Variants in SIX5 observed in about 807,000 individuals in gnomAD.
SIX5 encodes the protein SIX homeobox 5.
In SIX5, 21 loss-of-function variants were observed where a neutral mutation model predicts 37.1. The ratio of observed to expected loss-of-function variants is 0.57; its 90% CI spans 0.40 to 0.81. The LOEUF (loss-of-function observed/expected upper bound fraction) is 0.81. Among genes scored for constraint, SIX5 ranks in the 40% least tolerant of loss-of-function variants. The pLI is 0.00. For synonymous variants in SIX5, 626 were observed against 505.9 expected (o/e 1.24, Z -3.19); for missense variants, 1,137 against 1,025.1 (o/e 1.11, Z -1.49).
rs998110701 is a variant in SIX5 at position 45,766,521 on chromosome 19, G to A, written c.1438C>T (p.Pro480Ser). ...SPLLNLPQVVPTSQVVTLPQA... is the reference protein window; with the variant it reads ...SPLLNLPQVVSTSQVVTLPQA... The stretch of plus-strand genomic sequence containing the variant: ...GGCAGGGTCACCACCTGTGAGGTGG[G>A]TACTACCTGGGGCAGGTTCAATAGT... Residue 480 changes from proline to serine, a missense_variant, in exon 2 of 3, where the codon CCC becomes TCC. This residue lies in a region of SIX5 where 787 missense variants were observed against 621.4 expected (regional missense o/e 1.27). Transcript: ENST00000317578. 1.3e-6 allele frequency: 2 copies of A among 1,501,658 alleles called. No individual in the cohort carries two copies. The highest frequency in any genetic ancestry group is 1.8e-6 in the Non-Finnish European group (2 of 1,118,416). The allele number at this position is 1,501,658 out of a possible 1,614,324, so 93.0% of individuals were successfully genotyped here.
In SIX5 at chr19:45,768,815, C is replaced by A. The variant is rs1191855066; in HGVS notation, c.30G>T (p.Ala10=). MATLPAEPS[A]GPAAGGEAVA... is the part of the protein sequence containing the mutation. ...CCGCCTCCCCCCCAGCCGCCGGCCC[C>A]GCGCTCGGCTCCGCAGGCAAGGTAG... Residue 10 remains alanine (A), a synonymous_variant, in exon 1 of 3, where the codon GCG becomes GCT. Transcript: ENST00000317578. 3 of 1,529,280 alleles carry A rather than the reference C, an allele frequency of 2.0e-6. No homozygotes were observed. The highest frequency in any genetic ancestry group is 1.2e-5 in the South Asian group (1 of 83,256). 94.7% of individuals were successfully genotyped at this position (1,529,280 alleles called of 1,614,324 possible). A position where few individuals can be genotyped will look rare whatever the true frequency, so the allele number is the denominator to read the frequency against.
Position 45,767,022 on chromosome 19 carries a change from C to G in SIX5, c.937G>C (p.Ala313Pro). Residue 313 changes from alanine (A) to proline (P), a missense_variant, in exon 2 of 3, where the codon GCG becomes CCG. By Grantham distance (27) the Ala-to-Pro change is conservative. Transcript: ENST00000317578. ...SIFLAGTGPP[A>P]PCPASSSILV... ...ATGGAGGAGGAAGCCGGGCAAGGCGCGGGAGGGCCGGTCCCTGCCAGGAAT... is the reference window on the plus strand; with the variant it reads ...ATGGAGGAGGAAGCCGGGCAAGGCGGGGGAGGGCCGGTCCCTGCCAGGAAT... 2 of 1,608,330 alleles carry G rather than the reference C, an allele frequency of 1.2e-6. No homozygotes were observed. Among genetic ancestry groups the G allele is most frequent in the South Asian group, 1.1e-5 (1 of 90,610 alleles).
In SIX5 at chr19:45,768,734, C is replaced by G. The variant is rs1426886584; in HGVS notation, c.111G>C (p.Gln37His). ...EEEEEARQLLQTLQAAEGEAA... is the reference protein window; with the variant it reads ...EEEEEARQLLHTLQAAEGEAA... The stretch of plus-strand genomic sequence containing the variant: ...CCTCACCCTCGGCCGCCTGCAAAGT[C>G]TGCAAGAGCTGGCGCGCTTCCTCCT... Residue 37 changes from glutamine (Q) to histidine (H), a missense_variant, in exon 1 of 3, where the codon CAG (glutamine) becomes CAC (histidine). Transcript: ENST00000317578. 2.0e-6 allele frequency: 3 copies of G among 1,508,116 alleles called. No individual in the cohort carries two copies. Among genetic ancestry groups the G allele is most frequent in the Non-Finnish European group, 2.6e-6 (3 of 1,134,462 alleles). The allele number at this position is 1,508,116 out of a possible 1,614,324, so 93.4% of individuals were successfully genotyped here.
At chr19:45,767,207 C>A in intron 1 of SIX5, 52 bp from the exon 2 acceptor site, 1 of 1,569,266 alleles carries the variant, frequency 6.4e-7, no homozygotes, top group Non-Finnish European at 8.7e-7. Context: ...TGGGGCCTCC[C>A]GCATAGCCAG....
Position 45,768,575 on chromosome 19 carries a change from C to A in SIX5, c.270G>T (p.Gln90His). The change falls in exon 1 of 3, where the codon CAG becomes CAT. Residue 90 changes from glutamine (Q) to histidine (H), a missense_variant. Coordinates refer to ENST00000317578, the MANE Select transcript of SIX5 (RefSeq NM_175875.5). ...PPTGLRFSPE[Q>H]VACVCEALLQ... is the part of the protein sequence containing the mutation. ...GCAGCGCCTCGCAGACGCACGCCAC[C>A]TGCTCGGGCGAGAAGCGGAGGCCCG... 1.5e-6 allele frequency: 2 copies of A among 1,369,138 alleles called. No individual in the cohort carries two copies. The highest frequency in any genetic ancestry group is 3.8e-5 in the Admixed American group (1 of 26,402). The allele number at this position is 1,369,138 out of a possible 1,614,324, so 84.8% of individuals were successfully genotyped here. A position where few individuals can be genotyped will look rare whatever the true frequency, so the allele number is the denominator to read the frequency against.
In SIX5 at chr19:45,766,566, C is replaced by A; in HGVS notation, c.1393G>T (p.Gly465Cys). The change falls in exon 2 of 3, where the codon GGC (glycine) becomes TGC (cysteine). Residue 465 changes from glycine (G) to cysteine (C), a missense_variant. Gly to Cys is a radical substitution (Grantham distance 159). Around this residue, in one of 3 missense-constraint regions of SIX5, gnomAD observed 787 missense variants for 621.4 expected, o/e 1.27. Coordinates refer to ENST00000317578, the MANE Select transcript of SIX5 (RefSeq NM_175875.5). ...AATAGTGGGGAGGTGGGGCTCAGGC[C>A]CGTGGGATACCCCGGGGGTGGGGAG... ...PLSPPPGYPTGLSPTSPLLNL... is the reference protein window; with the variant it reads ...PLSPPPGYPTCLSPTSPLLNL... The A allele has an allele frequency of 4.1e-6, 6 of 1,475,446 alleles. No homozygotes were observed. Among genetic ancestry groups the A allele is most frequent in the Non-Finnish European group, 5.4e-6 (6 of 1,106,808 alleles). 91.4% of individuals were successfully genotyped at this position (1,475,446 alleles called of 1,614,324 possible). A position where few individuals can be genotyped will look rare whatever the true frequency, so the allele number is the denominator to read the frequency against.
In SIX5 at chr19:45,766,379, G is replaced by T; in HGVS notation, c.1580C>A (p.Ala527Asp). The T allele has an allele frequency of 6.3e-7, 1 of 1,590,920 alleles. No individual in the cohort carries two copies. Among genetic ancestry groups the T allele is most frequent in the Non-Finnish European group, 8.5e-7 (1 of 1,170,084 alleles). ...GGCAGTGGCCGAAGGCAGCTGCAGG[G>T]CAGTCACGCCCACCCCGGAGTTGAT... ...HLINSGVGVT[A>D]LQLPSATAPG... The change falls in exon 2 of 3, where the codon GCC becomes GAC. Residue 527 changes from alanine (A) to aspartate (D), a missense_variant. This residue lies in a region of SIX5 where 787 missense variants were observed against 621.4 expected (regional missense o/e 1.27). Transcript: ENST00000317578.
rs1969122935 is a variant in SIX5, at chr19:45,768,157, C to T, written c.688G>A (p.Glu230Lys). 2 of 1,611,986 alleles carry T rather than the reference C, an allele frequency of 1.2e-6. No homozygotes were observed. The highest frequency in any genetic ancestry group is 1.3e-5 in the African/African-American group (1 of 74,932). Residue 230 changes from glutamate to lysine, a missense_variant, in exon 1 of 3, where the codon GAG becomes AAG. By Grantham distance (56) the Glu-to-Lys change is moderately conservative. Coordinates refer to ENST00000317578, the MANE Select transcript of SIX5 (RefSeq NM_175875.5). ...YRGNRYPTPD[E>K]KRRLATLTGL... is the part of the protein sequence containing the mutation. ...GTGAGTGTGGCCAGGCGGCGCTTCT[C>T]GTCCGGCGTGGGGTAGCGGTTGCCG...
rs772388730 is a variant in SIX5, at chr19:45,765,794, G to C, written c.1927C>G (p.Leu643Val). The C allele has an allele frequency of 5.6e-6, 9 of 1,605,558 alleles. No homozygotes were observed. The African/African-American group carries it at 8.0e-5, about 14-fold the overall frequency. Residue 643 changes from leucine to valine, a missense_variant, in exon 3 of 3, where the codon CTC becomes GTC. By Grantham distance (32) the Leu-to-Val change is conservative. Coordinates refer to ENST00000317578, the MANE Select transcript of SIX5 (RefSeq NM_175875.5). ...SLPFSPDSPG[L>V]LPNFPAPPPE... Reference sequence around the variant, plus strand: ...GGGGGCGCCGGGAAGTTGGGCAGGAGGCCAGGGGAGTCAGGGGAGAAGGGC... The same window carrying C: ...GGGGGCGCCGGGAAGTTGGGCAGGACGCCAGGGGAGTCAGGGGAGAAGGGC...
At position 45,765,988 on chromosome 19, in the gene SIX5, G is replaced by A. The variant is rs763111636; in HGVS notation, c.1733C>T (p.Pro578Leu). 51 of 1,595,592 alleles carry A rather than the reference G, an allele frequency of 3.2e-5. No homozygotes were observed. Among genetic ancestry groups the A allele is most frequent in the Non-Finnish European group, 3.8e-5 (45 of 1,172,144 alleles). ...PTSMLVSQVL[P>L]PAPGLALPLK... Reference sequence around the variant, plus strand: ...TGGCAGGGCCAGGCCGGGGGCTGGCGGCAGGACCTGGGAGACGAGCATGCT... The same window carrying A: ...TGGCAGGGCCAGGCCGGGGGCTGGCAGCAGGACCTGGGAGACGAGCATGCT... The change falls in exon 3 of 3, where the codon CCG becomes CTG. Residue 578 changes from proline to leucine, a missense_variant. By Grantham distance (98) the Pro-to-Leu change is moderately conservative. Around this residue, in one of 3 missense-constraint regions of SIX5, gnomAD observed 787 missense variants for 621.4 expected, o/e 1.27. Transcript: ENST00000317578.
Position 45,767,037 on chromosome 19 carries a change from C to T in SIX5, c.922G>A (p.Gly308Arg). The T allele has an allele frequency of 6.2e-7, 1 of 1,610,058 alleles. No individual in the cohort carries two copies. The highest frequency in any genetic ancestry group is 8.5e-7 in the Non-Finnish European group (1 of 1,179,072). ...AAAQGSIFLA[G>R]TGPPAPCPAS... ...GGGCAAGGCGCGGGAGGGCCGGTCCCTGCCAGGAATATGGAGCCCTGGGCA... is the reference window on the plus strand; with the variant it reads ...GGGCAAGGCGCGGGAGGGCCGGTCCTTGCCAGGAATATGGAGCCCTGGGCA... Residue 308 changes from glycine to arginine, a missense_variant, in exon 2 of 3, where the codon GGG becomes AGG. This residue lies in a region of SIX5 where 787 missense variants were observed against 621.4 expected (regional missense o/e 1.27). Coordinates refer to ENST00000317578, the MANE Select transcript of SIX5 (RefSeq NM_175875.5).
chr19:45,766,804 G>A lies in SIX5; in HGVS notation c.1155C>T (p.Val385=). 1 of 1,566,398 alleles carries A rather than the reference G, an allele frequency of 6.4e-7. No individual in the cohort carries two copies. Among genetic ancestry groups the A allele is most frequent in the Non-Finnish European group, 8.6e-7 (1 of 1,159,098 alleles). The change falls in exon 2 of 3, where the codon GTC becomes GTT. Residue 385 remains valine, a synonymous_variant. Coordinates refer to ENST00000317578, the MANE Select transcript of SIX5 (RefSeq NM_175875.5). ...GCACCTCCCCTGTCTGAGGGTCCAG[G>A]ACCAGAGAGGTCTTGGTCTCGCTGG... ...QGASETKTSL[V]LDPQTGEVRL...
Position 45,765,383 on chromosome 19 carries a change from G to C in SIX5, c.*118C>G, listed in dbSNP as rs1208996875. On this transcript the variant is annotated 3_prime_UTR_variant, in exon 3 of 3. Coordinates refer to ENST00000317578, the MANE Select transcript of SIX5 (RefSeq NM_175875.5). ...CACCAGGGCTTGGAGAGGCCACCCA[G>C]GCAGAAGGATGTGGTGACTGGGGTC... 2 of 1,469,956 alleles carry C rather than the reference G, an allele frequency of 1.4e-6. No homozygotes were observed. The highest frequency in any genetic ancestry group is 1.9e-6 in the Non-Finnish European group (2 of 1,059,072). 91.1% of individuals were successfully genotyped at this position (1,469,956 alleles called of 1,614,324 possible).
rs1969056778 is a variant in SIX5, at chr19:45,765,772, G to A, written c.1949C>T (p.Pro650Leu). The A allele has an allele frequency of 6.2e-7, 1 of 1,608,998 alleles. No homozygotes were observed. Among genetic ancestry groups the A allele is most frequent in the Non-Finnish European group, 8.5e-7 (1 of 1,179,942 alleles). The part of the protein sequence containing the change: ...SPGLLPNFPA[P>L]PPEGLMLSPA... ...TGACAACATCAGCCCCTCTGGTGGG[G>A]GCGCCGGGAAGTTGGGCAGGAGGCC... The change falls in exon 3 of 3, where the codon CCC (proline) becomes CTC (leucine). Residue 650 changes from proline to leucine, a missense_variant. Pro to Leu is a moderately conservative substitution (Grantham distance 98). This residue lies in a region of SIX5 where 787 missense variants were observed against 621.4 expected (regional missense o/e 1.27). Coordinates refer to ENST00000317578, the MANE Select transcript of SIX5 (RefSeq NM_175875.5).
chr19:45,767,088 C>T lies in SIX5; in HGVS notation c.871G>A (p.Ala291Thr). Residue 291 changes from alanine to threonine, a missense_variant, in exon 2 of 3, where the codon GCG (alanine) becomes ACG (threonine). Coordinates refer to ENST00000317578, the MANE Select transcript of SIX5 (RefSeq NM_175875.5). ...GCGGCCTCGGCGGACACTGGGGCCG[C>T]CCCTCTCTCCAGGTCCTCAGGACTT... Reference protein sequence around the residue: ...SRSPEDLERGAAPVSAEAAAQ... With the variant: ...SRSPEDLERGTAPVSAEAAAQ... 1.9e-6 allele frequency: 3 copies of T among 1,610,176 alleles called. No homozygotes were observed. The highest frequency in any genetic ancestry group is 1.1e-5 in the South Asian group (1 of 91,044).
chr19:45,765,804 G>A lies in SIX5; in HGVS notation c.1917C>T (p.Asp639=), dbSNP rs989138228. ...GGAAGTTGGGCAGGAGGCCAGGGGAGTCAGGGGAGAAGGGCAGGCTGGTGC... is the reference window on the plus strand; with the variant it reads ...GGAAGTTGGGCAGGAGGCCAGGGGAATCAGGGGAGAAGGGCAGGCTGGTGC... ...TSSTSLPFSP[D]SPGLLPNFPA... Residue 639 remains aspartate, a synonymous_variant, in exon 3 of 3, where the codon GAC becomes GAT. Transcript: ENST00000317578. 6.2e-7 allele frequency: 1 copy of A among 1,604,538 alleles called. No individual in the cohort carries two copies. The highest frequency in any genetic ancestry group is 8.5e-7 in the Non-Finnish European group (1 of 1,179,836).
At position 45,766,498 on chromosome 19, in the gene SIX5, C is replaced by T. The variant is rs1338290038; in HGVS notation, c.1461G>A (p.Leu487=). 7 of 1,514,480 alleles carry T rather than the reference C, an allele frequency of 4.6e-6. No homozygotes were observed. The highest frequency in any genetic ancestry group is 5.3e-6 in the Non-Finnish European group (6 of 1,125,092). The allele number at this position is 1,514,480 out of a possible 1,614,324, so 93.8% of individuals were successfully genotyped here. Residue 487 remains leucine, a synonymous_variant, in exon 2 of 3, where the codon CTG becomes CTA. Coordinates refer to ENST00000317578, the MANE Select transcript of SIX5 (RefSeq NM_175875.5). The part of the protein sequence containing the change: ...QVVPTSQVVT[L]PQAVGPLQLL... ...GCTGCAGGGGCCCCACAGCCTGGGG[C>T]AGGGTCACCACCTGTGAGGTGGGTA...
In SIX5 at chr19:45,766,885, C is replaced by T. The variant is rs757817198; in HGVS notation, c.1074G>A (p.Pro358=). 1.1e-5 allele frequency: 17 copies of T among 1,548,484 alleles called. No homozygotes were observed. The highest frequency in any genetic ancestry group is 1.3e-5 in the Non-Finnish European group (15 of 1,149,500). ...LALGEASSLG[P]LLLTGGGGAP... ...CACCCCCGCCCCCAGTGAGCAGCAG[C>T]GGGCCCAGGCTGGAGGCCTCGCCCA... Residue 358 remains proline, a synonymous_variant, in exon 2 of 3, where the codon CCG becomes CCA. Transcript: ENST00000317578.
rs1424982690 is a variant in SIX5 at position 45,766,528 on chromosome 19, C to G, written c.1431G>C (p.Gln477His). 6.7e-7 allele frequency: 1 copy of G among 1,497,308 alleles called. No homozygotes were observed. The highest frequency in any genetic ancestry group is 2.2e-5 in the Admixed American group (1 of 46,168). 92.8% of individuals were successfully genotyped at this position (1,497,308 alleles called of 1,614,324 possible). A position where few individuals can be genotyped will look rare whatever the true frequency, so the allele number is the denominator to read the frequency against. The change falls in exon 2 of 3, where the codon CAG becomes CAC. Residue 477 changes from glutamine (Q) to histidine (H), a missense_variant. Around this residue, in one of 3 missense-constraint regions of SIX5, gnomAD observed 787 missense variants for 621.4 expected, o/e 1.27. Coordinates refer to ENST00000317578, the MANE Select transcript of SIX5 (RefSeq NM_175875.5). ...TCACCACCTGTGAGGTGGGTACTAC[C>G]TGGGGCAGGTTCAATAGTGGGGAGG... ...SPTSPLLNLP[Q>H]VVPTSQVVTL... is the part of the protein sequence containing the mutation.
Sources: allele counts gnomAD v4.1 joint callset, GRCh38; gene constraint gnomAD v4.1.1; regional missense constraint gnomAD v4.1.1; transcripts MANE v1.5; gene names NCBI Gene and HGNC (gene_info 2026-07-23, HGNC 2026-07-21).